Variants in CCDC192 observed in about 807,000 individuals in gnomAD.
CCDC192 encodes coiled-coil domain-containing protein 192.
intron 3 of CCDC192, among the ~76,000 whole-genome samples, chr5:127,790,958 A>C (rs1263307220): frequency 2.0e-5 from 3 of 152,204 alleles, no homozygotes; most frequent in Admixed American, 2.0e-4. Context: ...AAGAAAGTAG[A>C]AATGCATCCA....
At chr5:127,714,091 T>G (rs1309351098) in intron 2 of CCDC192, among the ~76,000 whole-genome samples, 1 of 152,182 alleles carries the variant, frequency 6.6e-6, no homozygotes, top group African/African-American at 2.4e-5. Context: ...GATTATGCAG[T>G]ATTTGTCTTT....
intron 2 of CCDC192, among the ~76,000 whole-genome samples, chr5:127,738,626 A>G (rs1157952561): frequency 1.3e-5 from 2 of 149,436 alleles, no homozygotes; most frequent in Non-Finnish European, 3.0e-5. Context: ...GGCTTTGCTC[A>G]TTTCTTTTTA....
intron 5 of CCDC192, among the ~76,000 whole-genome samples, chr5:127,854,949 T>C (rs578109976): frequency 1.3e-5 from 2 of 152,354 alleles, no homozygotes; most frequent in East Asian, 3.9e-4. Context: ...TAACAACCTT[T>C]ATAACTTTTA....
chr5:127,919,084 T>TGTGTGC (rs960043777), intron 6 of CCDC192, among the ~76,000 whole-genome samples: 1 of 151,228 alleles, frequency 6.6e-6, no homozygotes, highest in African/African-American at 2.5e-5. Context: ...TGTGTGTGTG[T>TGTGTGC]GTGTGTGTGT....
chr5:127,772,886 C>T (rs1755644642), intron 3 of CCDC192, among the ~76,000 whole-genome samples: 1 of 151,972 alleles, frequency 6.6e-6, no homozygotes, highest in African/African-American at 2.4e-5. Context: ...TCAGTATCTG[C>T]TACAGTTAAG....
intron 6 of CCDC192, among the ~76,000 whole-genome samples, chr5:127,913,924 T>C (rs1464577693): frequency 6.6e-6 from 1 of 152,196 alleles, no homozygotes; most frequent in Non-Finnish European, 1.5e-5. Context: ...AAGGAATACA[T>C]AGCTATGCCT....
At chr5:127,935,468 T>C (rs1020931778) in intron 6 of CCDC192, 3 of 152,114 alleles carry the variant, frequency 2.0e-5, no homozygotes, top group Admixed American at 1.3e-4. Flanking sequence ...ATTTAGAAAA[T>C]CTAAAAGAAC....
At chr5:127,894,468 C>T (rs977494741) in intron 6 of CCDC192, among the ~76,000 whole-genome samples, 6 of 151,826 alleles carry the variant, frequency 4.0e-5, no homozygotes, top group Non-Finnish European at 7.4e-5. Flanking sequence ...TAGGATTACA[C>T]GCGTGAGCCA....
chr5:127,753,281 A>G (rs1009631318), intron 2 of CCDC192, among the ~76,000 whole-genome samples: 1 of 152,206 alleles, frequency 6.6e-6, no homozygotes, highest in East Asian at 1.9e-4. Flanking sequence ...CTTTCTAATT[A>G]TTAAGTATCA....
At chr5:127,920,706 C>T (rs747940769) in intron 6 of CCDC192, among the ~76,000 whole-genome samples, 26 of 151,940 alleles carry the variant, frequency 1.7e-4, no homozygotes, top group Non-Finnish European at 2.9e-4. Context: ...CCACCGCGCC[C>T]GGCTGCTAAA....
chr5:127,782,520 C>G (rs1580649759), intron 3 of CCDC192, among the ~76,000 whole-genome samples: 1 of 151,736 alleles, frequency 6.6e-6, no homozygotes, highest in African/African-American at 2.4e-5. Flanking sequence ...TTTAGGGTAT[C>G]TAATTCTTCC....
chr5:127,791,755 A>C (rs1756878677), intron 3 of CCDC192, among the ~76,000 whole-genome samples: 1 of 152,262 alleles, frequency 6.6e-6, no homozygotes, highest in Admixed American at 6.5e-5. Context: ...TCTGATTTCT[A>C]GAATTATGAA....
intron 5 of CCDC192, among the ~76,000 whole-genome samples, chr5:127,830,907 A>G (rs245311): frequency 0.3 from 44,982 of 152,156 alleles, 6,787 homozygotes; most frequent in South Asian, 0.45. Context: ...ACCACATCTT[A>G]AGGACATATT....
intron 2 of CCDC192, among the ~76,000 whole-genome samples, chr5:127,719,478 T>TATATATATATACACACACACATAC (rs1751842855): frequency 1.0e-4 from 2 of 19,692 alleles, no homozygotes; most frequent in African/African-American, 3.2e-4. Flanking sequence ...GACACATACA[T>TATATATATATACACACACACATAC]ATATATATAT....
intron 5 of CCDC192, among the ~76,000 whole-genome samples, chr5:127,871,384 C>A (rs1005012930): frequency 6.6e-6 from 1 of 152,126 alleles, no homozygotes; most frequent in African/African-American, 2.4e-5. Flanking sequence ...TTTTCTGTAA[C>A]GTTTCAATTC....
intron 3 of CCDC192, chr5:127,786,675 T>C (rs762469925): frequency 5.9e-5 from 45 of 760,630 alleles, no homozygotes; most frequent in Non-Finnish European, 1.1e-4. Flanking sequence ...AAATCAGTAA[T>C]CTTCCCATTG....
chr5:127,803,010 T>A (rs1757587737), intron 5 of CCDC192, among the ~76,000 whole-genome samples: 1 of 151,912 alleles, frequency 6.6e-6, no homozygotes, highest in Non-Finnish European at 1.5e-5. Context: ...AGGAAAAAAA[T>A]AGCAGAGAAA....
intron 3 of CCDC192, among the ~76,000 whole-genome samples, chr5:127,777,406 G>A (rs915648863): frequency 2.0e-5 from 3 of 152,178 alleles, no homozygotes; most frequent in Non-Finnish European, 1.5e-5. Context: ...CTTGTATCTA[G>A]GAAGTAACTA....
intron 5 of CCDC192, among the ~76,000 whole-genome samples, chr5:127,798,869 C>A (rs2126972638): frequency 6.6e-6 from 1 of 152,124 alleles, no homozygotes; most frequent in East Asian, 1.9e-4. Context: ...ATTTCTATGG[C>A]AAATTTCATT....
Sources: gnomAD v4.1 joint callset for allele counts (sites outside exome capture counted in the v4.1 genomes callset) on GRCh38, gnomAD v4.1.1 for gene constraint, MANE v1.5 for transcripts, NCBI Gene and HGNC (gene_info 2026-07-23, HGNC 2026-07-21) for gene names.